The following OPRD1 variants were observed in gnomAD, a reference collection of about 807,000 sequenced individuals.
OPRD1 encodes the protein delta-type opioid receptor.
A neutral mutation model predicts 17.5 loss-of-function variants in OPRD1; 19 were observed. The ratio of observed to expected loss-of-function variants is 1.09; its 90% confidence interval spans 0.76 to 1.60. OPRD1 has a LOEUF of 1.60. Among genes scored for constraint, OPRD1 ranks in the 40% most tolerant of loss-of-function variants. The pLI is 0.00. For synonymous variants in OPRD1, 256 were observed against 240.9 expected (o/e 1.06, Z -0.58); for missense variants, 483 against 547.2 (o/e 0.88, Z 1.17).
At chr1:28,836,705 T>C (rs2088856340) in intron 1 of OPRD1, among the ~76,000 whole-genome samples, 1 of 152,072 alleles carries the variant, frequency 6.6e-6, no homozygotes, top group Non-Finnish European at 1.5e-5. Context: ...GCCATGTATG[T>C]CTCTGTGTCT....
At chr1:28,860,969 G>A (rs540268511) in intron 2 of OPRD1, among the ~76,000 whole-genome samples, 41 of 152,192 alleles carry the variant, frequency 2.7e-4, no homozygotes, top group Middle Eastern at 6.8e-3. Context: ...ATCCCTCCTG[G>A]GGCTGGACCA....
rs1240092915 is a variant in OPRD1, at chr1:28,853,637, GGAA to G, written c.228-5316_228-5314del. Among the ~76,000 whole-genome samples the G allele has an allele frequency of 2.6e-5, 4 of 152,298 alleles. No homozygotes were observed. The East Asian group carries it at 7.7e-4, about 29-fold the overall frequency. On this transcript the variant is annotated intron_variant, in intron 1 of 2. Transcript: ENST00000234961. ...GATTGCCCCTGGGGAACAGGACAGA[GGAA>G]TAAGAGAGCAAGGATGGGTAGAGGG... is the stretch of plus-strand genomic sequence containing the variant.
intron 1 of OPRD1, among the ~76,000 whole-genome samples, chr1:28,821,746 A>C (rs944805870): frequency 6.6e-6 from 1 of 152,082 alleles, no homozygotes; most frequent in African/African-American, 2.4e-5. Flanking sequence ...CAATCTAAAT[A>C]ATGCTGCTGC....
intron 1 of OPRD1, among the ~76,000 whole-genome samples, chr1:28,833,224 TAGTA>T (rs2088822943): frequency 6.6e-6 from 1 of 152,212 alleles, no homozygotes; most frequent in Non-Finnish European, 1.5e-5. Context: ...GGCACCTGGT[TAGTA>T]AGTGTCTGAC....
intron 1 of OPRD1, among the ~76,000 whole-genome samples, chr1:28,849,493 T>C (rs2088980298): frequency 6.6e-6 from 1 of 151,524 alleles, no homozygotes; most frequent in African/African-American, 2.4e-5. Flanking sequence ...CTGATACACA[T>C]ACACACACAC....
chr1:28,828,195 G>A (rs1478195404), intron 1 of OPRD1, among the ~76,000 whole-genome samples: 1 of 152,092 alleles, frequency 6.6e-6, no homozygotes, highest in Non-Finnish European at 1.5e-5. Flanking sequence ...TCCTTGATCC[G>A]TGGGCTACAG....
At chr1:28,834,806 C>T (rs1317652065) in intron 1 of OPRD1, among the ~76,000 whole-genome samples, 1 of 152,214 alleles carries the variant, frequency 6.6e-6, no homozygotes, top group Non-Finnish European at 1.5e-5. Flanking sequence ...GAACCTCAGG[C>T]TGCTGTCTCC....
At chr1:28,851,295 T>A (rs1044570725) in intron 1 of OPRD1, among the ~76,000 whole-genome samples, 14 of 152,236 alleles carry the variant, frequency 9.2e-5, no homozygotes, top group Non-Finnish European at 1.9e-4. Flanking sequence ...GAGGGAGCCA[T>A]GCCTTCAAAA....
intron 1 of OPRD1, 125 bp from the exon 2 acceptor site, chr1:28,858,829 A>G (rs575897727): frequency 5.5e-6 from 5 of 903,978 alleles, no homozygotes; most frequent in Admixed American, 2.0e-5. Flanking sequence ...TACAGTTGTG[A>G]GGCACCATGC....
chr1:28,840,960 G>A (rs2088890708), intron 1 of OPRD1, among the ~76,000 whole-genome samples: 1 of 152,084 alleles, frequency 6.6e-6, no homozygotes, highest in Non-Finnish European at 1.5e-5. Context: ...AAAGTAAAAT[G>A]CTTATCCCAG....
chr1:28,815,363 C>A (rs138953716), intron 1 of OPRD1, among the ~76,000 whole-genome samples: 3,313 of 152,304 alleles, frequency 0.022, 117 homozygotes, highest in African/African-American at 0.076. Context: ...GCCTCGGCCT[C>A]CCAAAGTGCT....
rs781740622 is a variant in OPRD1 at position 28,863,165 on chromosome 1, G to T, written c.1001G>T (p.Arg334Leu). 1.2e-6 allele frequency: 2 copies of T among 1,602,012 alleles called. No homozygotes were observed. The highest frequency in any genetic ancestry group is 1.1e-5 in the South Asian group (1 of 90,306). Residue 334 changes from arginine (R) to leucine (L), a missense_variant, in exon 3 of 3, where the codon CGC becomes CTC. Coordinates refer to ENST00000234961, the MANE Select transcript of OPRD1 (RefSeq NM_000911.4). ...AAGCGCTGCTTCCGCCAGCTCTGCCGCAAGCCCTGCGGCCGCCCAGACCCC... is the reference window on the plus strand; with the variant it reads ...AAGCGCTGCTTCCGCCAGCTCTGCCTCAAGCCCTGCGGCCGCCCAGACCCC... ...NFKRCFRQLC[R>L]KPCGRPDPSS...
chr1:28,859,380 C>A, intron 2 of OPRD1, 77 bp downstream of exon 2: 1 of 1,291,436 alleles, frequency 7.7e-7, no homozygotes, highest in Non-Finnish European at 1.1e-6. Flanking sequence ...GCTTGCAGGG[C>A]ACTTACCAGG....
intron 1 of OPRD1, among the ~76,000 whole-genome samples, chr1:28,838,870 A>G (rs1476196394): frequency 6.6e-6 from 1 of 152,138 alleles, no homozygotes; most frequent in Non-Finnish European, 1.5e-5. Context: ...GTCCAGTGTC[A>G]AAGTCCATGC....
Position 28,862,849 on chromosome 1 carries a change from A to T in OPRD1, c.685A>T (p.Ile229Phe). The T allele has an allele frequency of 6.2e-7, 1 of 1,612,992 alleles. No homozygotes were observed. Among genetic ancestry groups the T allele is most frequent in the Non-Finnish European group, 8.5e-7 (1 of 1,180,020 alleles). ...LFAFVVPILIITVCYGLMLLR... is the reference protein window; with the variant it reads ...LFAFVVPILIFTVCYGLMLLR... ...CGCCTTCGTGGTGCCCATCCTCATC[A>T]TCACCGTGTGCTATGGCCTCATGCT... Residue 229 changes from isoleucine (I) to phenylalanine (F), a missense_variant, in exon 3 of 3, where the codon ATC becomes TTC. Transcript: ENST00000234961.
chr1:28,856,972 G>T (rs530559251), intron 1 of OPRD1, among the ~76,000 whole-genome samples: 1 of 152,084 alleles, frequency 6.6e-6, no homozygotes, highest in Non-Finnish European at 1.5e-5. Context: ...GGATGGAGCC[G>T]CAGGAAGGAC....
chr1:28,840,645 G>A (rs1013726999), intron 1 of OPRD1, among the ~76,000 whole-genome samples: 4 of 152,198 alleles, frequency 2.6e-5, no homozygotes, highest in Non-Finnish European at 4.4e-5. Flanking sequence ...TACGGGGCCA[G>A]GCGTGGTGGC....
chr1:28,828,687 T>TAAAAAAA (rs71027300), intron 1 of OPRD1, among the ~76,000 whole-genome samples: 1 of 102,304 alleles, frequency 9.8e-6, no homozygotes, highest in Admixed American at 1.1e-4. Flanking sequence ...CTCGATCTCT[T>TAAAAAAA]AAAAAAAAAA....
chr1:28,862,787 A>T lies in OPRD1; in HGVS notation c.623A>T (p.Tyr208Phe), dbSNP rs770384042. 6.2e-7 allele frequency: 1 copy of T among 1,613,422 alleles called. No individual in the cohort carries two copies. The highest frequency in any genetic ancestry group is 1.1e-5 in the South Asian group (1 of 91,042). The stretch of plus-strand genomic sequence containing the variant: ...CTCCAGTTCCCCAGCCCCAGCTGGT[A>T]CTGGGACACGGTGACCAAGATCTGC... ...CMLQFPSPSW[Y>F]WDTVTKICVF... Residue 208 changes from tyrosine (Y) to phenylalanine (F), a missense_variant, in exon 3 of 3, where the codon TAC (tyrosine) becomes TTC (phenylalanine). Coordinates refer to ENST00000234961, the MANE Select transcript of OPRD1 (RefSeq NM_000911.4).
Sources: allele counts gnomAD v4.1 joint callset (sites outside exome capture counted in the v4.1 genomes callset), GRCh38; gene constraint gnomAD v4.1.1; transcripts MANE v1.5; gene names NCBI Gene and HGNC (gene_info 2026-07-23, HGNC 2026-07-21).